Variants in TUSC3 observed in about 807,000 individuals in gnomAD.
TUSC3 encodes tumor suppressor candidate 3.
In TUSC3, 45 loss-of-function variants were observed where a neutral mutation model predicts 44.8. The ratio of observed to expected loss-of-function variants is 1.00; its 90% CI spans 0.79 to 1.29. The LOEUF (loss-of-function observed/expected upper bound fraction) is 1.29. Among genes scored for constraint, TUSC3 ranks in the 50% most tolerant of loss-of-function variants. TUSC3 has a pLI of 0.00. For synonymous variants in TUSC3, 212 were observed against 152.9 expected, an observed-to-expected ratio of 1.39 and a Z score of -2.85; for missense variants, 519 against 437.9, an observed-to-expected ratio of 1.19 and a Z score of -1.65.
chr8:15,540,449 C>A lies in TUSC3; in HGVS notation c.19C>A (p.Pro7Thr), dbSNP rs201741917. The A allele has an allele frequency of 1.2e-6, 2 of 1,601,690 alleles. No individual in the cohort carries two copies. The highest frequency in any genetic ancestry group is 1.7e-4 in the Middle Eastern group (1 of 5,748). Residue 7 changes from proline to threonine, a missense_variant, in exon 1 of 11, where the codon CCT (proline) becomes ACT (threonine). By Grantham distance (38) the Pro-to-Thr change is conservative. Transcript: ENST00000503731. Reference protein sequence around the residue: MGARGAPSRRRQAGRRL... With the variant: MGARGATSRRRQAGRRL... The stretch of plus-strand genomic sequence containing the variant: ...TGCCGCGATGGGGGCCCGGGGCGCT[C>A]CTTCACGCCGTAGGCAAGCGGGGCG...
At chr8:15,599,701 G>GTT (rs143634299) in intron 1 of TUSC3, among the ~76,000 whole-genome samples, 30 of 134,030 alleles carry the variant, frequency 2.2e-4, no homozygotes, top group East Asian at 1.3e-3. Flanking sequence ...ATTGCTTGTG[G>GTT]TTTTTTTTTT....
At chr8:15,675,307 G>C (rs1337612249) in intron 6 of TUSC3, among the ~76,000 whole-genome samples, 1 of 150,590 alleles carries the variant, frequency 6.6e-6, no homozygotes, top group Admixed American at 6.6e-5. Context: ...GTATTCTTTA[G>C]GTATAAAACA....
intron 6 of TUSC3, among the ~76,000 whole-genome samples, chr8:15,698,278 A>G (rs1809252780): frequency 6.6e-6 from 1 of 152,190 alleles, no homozygotes; most frequent in Non-Finnish European, 1.5e-5. Flanking sequence ...ATTTCTGCCA[A>G]GAAAAAAAAT....
At chr8:15,774,036 A>G in the TUSC3 span, among the ~76,000 whole-genome samples, 28 of 152,324 alleles carry the variant, frequency 1.8e-4, no homozygotes, top group Non-Finnish European at 3.5e-4. Context: ...CAAAATAAAA[A>G]TATAACTTAG....
At chr8:15,563,496 G>T (rs1463592659) in intron 1 of TUSC3, among the ~76,000 whole-genome samples, 1 of 151,950 alleles carries the variant, frequency 6.6e-6, no homozygotes, top group Non-Finnish European at 1.5e-5. Flanking sequence ...GAACAGCCTG[G>T]CCAATATGGT....
At chr8:15,822,310 C>G in the TUSC3 span, among the ~76,000 whole-genome samples, 4 of 152,056 alleles carry the variant, frequency 2.6e-5, no homozygotes, top group Non-Finnish European at 5.9e-5. Context: ...AAGGAAGAGA[C>G]TAGGCTACAT....
chr8:15,738,303 G>A (rs1437889272), intron 7 of TUSC3, among the ~76,000 whole-genome samples: 1 of 152,074 alleles, frequency 6.6e-6, no homozygotes, highest in Non-Finnish European at 1.5e-5. Context: ...CTAAATTCTT[G>A]CATTTTAAAA....
intron 1 of TUSC3, among the ~76,000 whole-genome samples, chr8:15,429,704 T>C (rs1165740477): frequency 6.6e-6 from 1 of 151,616 alleles, no homozygotes; most frequent in Admixed American, 6.6e-5. Context: ...CCTTGTAAGG[T>C]GGATTCTTAG....
chr8:15,457,645 C>T (rs1800274780), intron 1 of TUSC3, among the ~76,000 whole-genome samples: 2 of 149,802 alleles, frequency 1.3e-5, no homozygotes, highest in Admixed American at 1.3e-4. Context: ...AATTCAAAAG[C>T]CTATCCATAG....
intron 1 of TUSC3, among the ~76,000 whole-genome samples, chr8:15,423,449 C>T (rs933391621): frequency 3.3e-5 from 5 of 152,140 alleles, no homozygotes; most frequent in African/African-American, 1.2e-4. Context: ...TAAGTTCAGC[C>T]TCTTTGGGAA....
At chr8:15,425,284 TG>T (rs1799789749) in intron 1 of TUSC3, among the ~76,000 whole-genome samples, 1 of 152,202 alleles carries the variant, frequency 6.6e-6, no homozygotes, top group African/African-American at 2.4e-5. Context: ...AACTATAAAT[TG>T]GTTGTGTTGC....
At chr8:15,646,952 G>C (rs1485087213) in intron 2 of TUSC3, among the ~76,000 whole-genome samples, 5 of 151,780 alleles carry the variant, frequency 3.3e-5, no homozygotes, top group African/African-American at 1.2e-4. Context: ...TAACATCTTT[G>C]TGTTTTTTGT....
At chr8:15,423,437 C>G (rs947680303) in intron 1 of TUSC3, among the ~76,000 whole-genome samples, 1 of 152,122 alleles carries the variant, frequency 6.6e-6, no homozygotes, top group Non-Finnish European at 1.5e-5. Flanking sequence ...ATAAGTCTGT[C>G]GTAAGTTCAG....
intron 2 of TUSC3, among the ~76,000 whole-genome samples, chr8:15,643,223 G>C (rs1359802507): frequency 6.6e-6 from 1 of 152,188 alleles, no homozygotes; most frequent in Non-Finnish European, 1.5e-5. Flanking sequence ...GCTGAACTGT[G>C]AGTCAGTTAA....
the TUSC3 span, among the ~76,000 whole-genome samples, chr8:15,797,635 C>T: frequency 6.6e-6 from 1 of 152,286 alleles, no homozygotes; most frequent in South Asian, 2.1e-4. Flanking sequence ...CTGACCTGCT[C>T]CTTGTGGCAA....
upstream of TUSC3, chr8:15,417,197 C>T (rs1799671572): frequency 6.6e-6 from 1 of 152,382 alleles, no homozygotes; most frequent in South Asian, 2.1e-4. Context: ...CACTATCTTC[C>T]TCCTGCTCTG....
chr8:15,801,858 A>T, the TUSC3 span, among the ~76,000 whole-genome samples: 2 of 152,218 alleles, frequency 1.3e-5, no homozygotes, highest in Admixed American at 1.3e-4. Context: ...ATCAACAAGG[A>T]TCCTGAAGGC....
intron 9 of TUSC3, among the ~76,000 whole-genome samples, chr8:15,750,579 G>T (rs1192150339): frequency 6.6e-6 from 1 of 151,542 alleles, no homozygotes; most frequent in Non-Finnish European, 1.5e-5. Flanking sequence ...ACTCTCTACT[G>T]CTCTGGGGTT....
At chr8:15,696,380 G>C (rs907884362) in intron 6 of TUSC3, among the ~76,000 whole-genome samples, 1 of 152,188 alleles carries the variant, frequency 6.6e-6, no homozygotes, top group African/African-American at 2.4e-5. Context: ...GGGAACCTCT[G>C]TATAGATTTC....
Sources: allele counts gnomAD v4.1 joint callset (sites outside exome capture counted in the v4.1 genomes callset), GRCh38; gene constraint gnomAD v4.1.1; transcripts MANE v1.5; gene names NCBI Gene and HGNC (gene_info 2026-07-23, HGNC 2026-07-21).